GNB4: variants seen among roughly 807,000 people sequenced by gnomAD.
The protein encoded by GNB4 is G protein subunit beta 4.
In GNB4, 28 loss-of-function variants were observed where a neutral mutation model predicts 45.2. That is an observed-to-expected ratio of 0.62 (90% CI 0.46 to 0.85). The LOEUF (loss-of-function observed/expected upper bound fraction) is 0.85. GNB4 is among the 40% of genes least tolerant of loss of function. The pLI is 0.00. For synonymous variants in GNB4, 132 were observed against 143.7 expected (o/e 0.92, Z 0.58); for missense variants, 321 against 425.4 (o/e 0.75, Z 2.16).
intron 9 of GNB4, among the ~76,000 whole-genome samples, chr3:179,403,797 C>CA (rs541714857): frequency 5.2e-5 from 5 of 96,202 alleles, no homozygotes; most frequent in Non-Finnish European, 6.1e-5. Context: ...GACTCCGTCT[C>CA]AAAAAAATAA....
At chr3:179,501,284 A>C in the GNB4 span, among the ~76,000 whole-genome samples, 1 of 145,790 alleles carries the variant, frequency 6.9e-6, no homozygotes, top group African/African-American at 2.5e-5. Context: ...CCAGATACTC[A>C]TCCAATTGCC....
intron 1 of GNB4, among the ~76,000 whole-genome samples, chr3:179,428,970 T>A (rs749837185): frequency 6.6e-6 from 1 of 152,114 alleles, no homozygotes; most frequent in Non-Finnish European, 1.5e-5. Context: ...GGAGGTACCA[T>A]GAATAGAAAT....
At position 179,450,678 on chromosome 3, in the gene GNB4, C is replaced by T. The variant is rs370065691; in HGVS notation, c.-43+668G>A. Among the ~76,000 whole-genome samples, 33 of 152,274 alleles carry T rather than the reference C, an allele frequency of 2.2e-4. No individual in the cohort carries two copies. In the East Asian group the frequency reaches 6.0e-3, roughly 28 times the overall value. ...TTCAAACTTTTGAAAATTCAACGTT[C>T]CCTTAGCGAATAGCAATACATATCA... On this transcript the variant is annotated intron_variant, in intron 1 of 9. Transcript: ENST00000232564.
chr3:179,492,453 GCT>G, the GNB4 span, among the ~76,000 whole-genome samples: 9 of 152,092 alleles, frequency 5.9e-5, no homozygotes, highest in South Asian at 1.7e-3. Flanking sequence ...CCAGAGTCAT[GCT>G]GCTGCTGTGC....
At chr3:179,521,483 C>G in the GNB4 span, among the ~76,000 whole-genome samples, 1 of 152,174 alleles carries the variant, frequency 6.6e-6, no homozygotes, top group Non-Finnish European at 1.5e-5. Context: ...GACACCAGAC[C>G]AACTTGGACT....
chr3:179,519,981 G>A, the GNB4 span, among the ~76,000 whole-genome samples: 1 of 152,110 alleles, frequency 6.6e-6, no homozygotes, highest in Non-Finnish European at 1.5e-5. Context: ...AAGCCTTACA[G>A]GTTAGTTCAG....
the GNB4 span, among the ~76,000 whole-genome samples, chr3:179,504,901 T>C: frequency 1.3e-5 from 2 of 152,002 alleles, no homozygotes; most frequent in African/African-American, 2.4e-5. Context: ...CTGGGAACAG[T>C]TGTGGGGTCA....
At chr3:179,427,294 G>T (rs527783158) in intron 1 of GNB4, among the ~76,000 whole-genome samples, 3 of 152,004 alleles carry the variant, frequency 2.0e-5, no homozygotes, top group East Asian at 3.9e-4. Flanking sequence ...ACTTACTTGT[G>T]ATCTCTTTCC....
chr3:179,440,780 G>A (rs1715573057), intron 1 of GNB4, among the ~76,000 whole-genome samples: 1 of 151,846 alleles, frequency 6.6e-6, no homozygotes, highest in South Asian at 2.1e-4. Flanking sequence ...AGGAATTCAT[G>A]GAATTAAAAC....
the GNB4 span, among the ~76,000 whole-genome samples, chr3:179,520,495 C>A: frequency 6.6e-6 from 1 of 152,142 alleles, no homozygotes; most frequent in Non-Finnish European, 1.5e-5. Context: ...CTAGCCCTCA[C>A]GTCAGTGTGC....
At chr3:179,494,944 G>A in the GNB4 span, among the ~76,000 whole-genome samples, 19 of 139,304 alleles carry the variant, frequency 1.4e-4, no homozygotes, top group Middle Eastern at 3.7e-3. Context: ...AAGGAAGGAA[G>A]GAAAAAAAAT....
the GNB4 span, among the ~76,000 whole-genome samples, chr3:179,473,862 T>G: frequency 6.6e-6 from 1 of 152,194 alleles, no homozygotes; most frequent in African/African-American, 2.4e-5. Flanking sequence ...CACTTCTCTA[T>G]TATATGAAAT....
chr3:179,456,151 A>G (rs1715974441), upstream of GNB4, among the ~76,000 whole-genome samples: 1 of 134,900 alleles, frequency 7.4e-6, no homozygotes, highest in African/African-American at 2.9e-5. Context: ...TCGCTCCGTC[A>G]CTGAGGGTGG....
chr3:179,408,741 G>A (rs778905745), intron 8 of GNB4, among the ~76,000 whole-genome samples: 1 of 151,608 alleles, frequency 6.6e-6, no homozygotes, highest in South Asian at 2.1e-4. Context: ...GCAGTGAGCC[G>A]AGATCATGCA....
At chr3:179,460,985 AC>A in the GNB4 span, among the ~76,000 whole-genome samples, 3 of 152,226 alleles carry the variant, frequency 2.0e-5, no homozygotes, top group Non-Finnish European at 4.4e-5. Flanking sequence ...GGCACAAGGA[AC>A]AGCTTACTTT....
the GNB4 span, among the ~76,000 whole-genome samples, chr3:179,498,750 T>TTG: frequency 1.7e-5 from 2 of 121,210 alleles, no homozygotes; most frequent in African/African-American, 7.1e-5. Context: ...TGAGGTTTGG[T>TTG]TTTTTTTTTT....
At chr3:179,451,692 A>G (rs1196275021), upstream of GNB4, 1 of 152,084 alleles carries the variant, frequency 6.6e-6, no homozygotes, top group Non-Finnish European at 1.5e-5. Context: ...TTCCTGCCAG[A>G]AGGAGAAGAA....
chr3:179,522,467 G>T, the GNB4 span, among the ~76,000 whole-genome samples: 9 of 142,740 alleles, frequency 6.3e-5, no homozygotes, highest in Non-Finnish European at 1.2e-4. Context: ...TGGTCTCTTC[G>T]CACGGACGCG....
chr3:179,441,176 GTAAC>G (rs1715584882), intron 1 of GNB4, among the ~76,000 whole-genome samples: 1 of 152,178 alleles, frequency 6.6e-6, no homozygotes, highest in Non-Finnish European at 1.5e-5. Flanking sequence ...AAACAGGTAA[GTAAC>G]TATACAGCCA....
Sources: allele counts gnomAD v4.1 joint callset (sites outside exome capture counted in the v4.1 genomes callset), GRCh38; gene constraint gnomAD v4.1.1; transcripts MANE v1.5; gene names NCBI Gene and HGNC (gene_info 2026-07-23, HGNC 2026-07-21).